The following NFATC2 variants were observed in gnomAD, a reference collection of about 807,000 sequenced individuals.
NFATC2 encodes nuclear factor of activated T cells 2.
Under a neutral mutation model 87.3 loss-of-function variants are expected in NFATC2, and 22 were observed. The observed-to-expected ratio is 0.25, with a 90% CI of 0.18 to 0.36. The LOEUF (loss-of-function observed/expected upper bound fraction) is 0.36, where lower values mean the gene tolerates loss of function less well. Ranked by LOEUF, NFATC2 falls within the 10% of genes least tolerant of loss-of-function variation. NFATC2 has a pLI of 1.00. For missense variants in NFATC2, 1,149 were observed against 1,259.1 expected (o/e 0.91, Z 1.32); for synonymous variants, 565 against 542.2 (o/e 1.04, Z -0.58).
intron 3 of NFATC2, among the ~76,000 whole-genome samples, chr20:51,484,238 G>A (rs1248457339): frequency 6.6e-6 from 1 of 151,942 alleles, no homozygotes; most frequent in Non-Finnish European, 1.5e-5. Context: ...TCCATGACCT[G>A]CAGGGCTCAC....
At chr20:51,457,308 T>G (rs924780320) in intron 5 of NFATC2, among the ~76,000 whole-genome samples, 2 of 152,146 alleles carry the variant, frequency 1.3e-5, no homozygotes, top group Admixed American at 6.5e-5. Context: ...TCCCACCCAT[T>G]TTACAGGTGG....
At chr20:51,461,958 C>G (rs569119542) in intron 5 of NFATC2, among the ~76,000 whole-genome samples, 3 of 149,560 alleles carry the variant, frequency 2.0e-5, no homozygotes, top group African/African-American at 7.4e-5. Flanking sequence ...TCCACTAAAA[C>G]TACAAAAAAA....
Position 51,540,647 on chromosome 20 carries a change from G to GTTTTTT in NFATC2, c.130+1717_130+1722dup, listed in dbSNP as rs375172598. 3.1e-3 allele frequency among the ~76,000 whole-genome samples: 351 copies of GTTTTTT among 112,886 alleles called. 70 individuals are homozygous for GTTTTTT. Among genetic ancestry groups the GTTTTTT allele is most frequent in the African/African-American group, 0.012 (280 of 22,840 alleles). The allele number at this position is 112,886 out of a possible 152,430, so 74.1% of individuals were successfully genotyped here. On this transcript the variant is annotated intron_variant, in intron 1 of 10. Transcript: ENST00000371564. ...ATCTGAAACTGTTCCAAAAACTGAA[G>GTTTTTT]TTTTTTTTTTGTTTTTTTTTTTTTG...
intron 9 of NFATC2, among the ~76,000 whole-genome samples, chr20:51,427,605 A>G (rs576307311): frequency 6.6e-6 from 1 of 152,176 alleles, no homozygotes; most frequent in South Asian, 2.1e-4. Context: ...ATCTTCTCAA[A>G]CAGTAAATCA....
At chr20:51,465,753 T>C (rs1012258126) in intron 5 of NFATC2, among the ~76,000 whole-genome samples, 6 of 152,026 alleles carry the variant, frequency 3.9e-5, no homozygotes, top group African/African-American at 1.2e-4. Context: ...CCCGTGGTCC[T>C]TGTTATTTTC....
chr20:51,453,600 C>T (rs971594815), intron 6 of NFATC2, among the ~76,000 whole-genome samples: 2 of 152,226 alleles, frequency 1.3e-5, no homozygotes, highest in African/African-American at 2.4e-5. Flanking sequence ...TATTTTCCTA[C>T]TTCAGATCAG....
rs147254946 is a variant in NFATC2, at chr20:51,453,244, G to A, written c.1849+1304C>T. The stretch of plus-strand genomic sequence containing the variant: ...CAGAAGGATGATTTGTGCGAGACTG[G>A]AAGAAGCACTCTTTGCCTAAGACAG... On this transcript the variant is annotated intron_variant, in intron 6 of 10. Transcript: ENST00000371564. 1.9e-3 allele frequency among the ~76,000 whole-genome samples: 292 copies of A among 152,342 alleles called. 2 individuals are homozygous for A. The highest frequency in any genetic ancestry group is 6.8e-3 in the Middle Eastern group (2 of 294).
intron 3 of NFATC2, among the ~76,000 whole-genome samples, chr20:51,495,820 T>G (rs922992703): frequency 1.3e-5 from 2 of 152,176 alleles, no homozygotes; most frequent in Non-Finnish European, 2.9e-5. Context: ...TGAAGGGGAC[T>G]CTAACTCACA....
At chr20:51,415,832 T>G (rs1025341838) in intron 9 of NFATC2, among the ~76,000 whole-genome samples, 4 of 152,162 alleles carry the variant, frequency 2.6e-5, no homozygotes, top group Non-Finnish European at 5.9e-5. Context: ...CCTTTCCCTT[T>G]CTTTCTTGCC....
At chr20:51,394,387 C>G (rs112917360) in intron 10 of NFATC2, among the ~76,000 whole-genome samples, 1 of 21,888 alleles carries the variant, frequency 4.6e-5, no homozygotes, top group Non-Finnish European at 8.1e-5. Flanking sequence ...GTCTGTCCCC[C>G]CTCAGCACTG....
At chr20:51,494,902 G>A (rs555385078) in intron 3 of NFATC2, among the ~76,000 whole-genome samples, 1 of 152,190 alleles carries the variant, frequency 6.6e-6, no homozygotes, top group East Asian at 1.9e-4. Context: ...TGTCCTGAAC[G>A]TGACTGCCAG....
rs1439667258 is a variant in NFATC2 at position 51,521,570 on chromosome 20, CT to C, written c.1160+1510del. 5.9e-5 allele frequency among the ~76,000 whole-genome samples: 9 copies of C among 152,350 alleles called. No individual in the cohort carries two copies. In the South Asian group the frequency reaches 1.9e-3, roughly 32 times the overall value. On this transcript the variant is annotated intron_variant, in intron 2 of 10. Coordinates refer to ENST00000371564, the MANE Select transcript of NFATC2 (RefSeq NM_012340.5). Reference sequence around the variant, plus strand: ...TTGCTACCTCAGGTGATTCGCCCACCTCGGCCTCCCAAAGTGCTGGGATTAC... The same window carrying C: ...TTGCTACCTCAGGTGATTCGCCCACCCGGCCTCCCAAAGTGCTGGGATTAC...
chr20:51,409,700 C>T (rs933799969), intron 9 of NFATC2, among the ~76,000 whole-genome samples: 1 of 152,168 alleles, frequency 6.6e-6, no homozygotes, highest in Non-Finnish European at 1.5e-5. Context: ...CAGGAAATAC[C>T]GAGGACAGAG....
intron 6 of NFATC2, among the ~76,000 whole-genome samples, chr20:51,450,240 C>T (rs1198416182): frequency 2.6e-5 from 4 of 152,234 alleles, no homozygotes; most frequent in Non-Finnish European, 5.9e-5. Context: ...GCCATCCGAC[C>T]TCAGAGCTGT....
At position 51,393,385 on chromosome 20, in the gene NFATC2, C is replaced by T. The variant is rs956015696; in HGVS notation, c.*45-1934G>A. The stretch of plus-strand genomic sequence containing the variant: ...AAGATCACAGTGCCCAGCGTTCAGC[C>T]AGTATTGGTTTGTAGACCAGTATAT... On this transcript the variant is annotated intron_variant, in intron 10 of 10. Coordinates refer to ENST00000371564, the MANE Select transcript of NFATC2 (RefSeq NM_012340.5). Among the ~76,000 whole-genome samples, 7 of 152,138 alleles carry T rather than the reference C, an allele frequency of 4.6e-5. No individual in the cohort carries two copies. The East Asian group carries it at 5.8e-4, about 13-fold the overall frequency.
intron 1 of NFATC2, among the ~76,000 whole-genome samples, chr20:51,541,670 G>C (rs916716982): frequency 2.0e-5 from 3 of 152,208 alleles, no homozygotes; most frequent in African/African-American, 7.2e-5. Context: ...AAGCGTAGAA[G>C]ATCACTTAAT....
intron 4 of NFATC2, among the ~76,000 whole-genome samples, chr20:51,474,588 C>A (rs75610397): frequency 0.022 from 3,276 of 152,254 alleles, 118 homozygotes; most frequent in African/African-American, 0.074. Flanking sequence ...AAATACCTCT[C>A]AAACAGTTCA....
At position 51,412,448 on chromosome 20, in the gene NFATC2, G is replaced by T. The variant is rs561590778; in HGVS notation, c.2723-13718C>A. ...CTGCCCCCTTCTCCACACGGGCCAG[G>T]GGGTGGGCAGGAGCAGGGAGTTCCA... On this transcript the variant is annotated intron_variant, in intron 9 of 10. Transcript: ENST00000371564. Among the ~76,000 whole-genome samples the T allele has an allele frequency of 1.3e-3, 198 of 152,324 alleles. 1 individual carries two copies. The highest frequency in any genetic ancestry group is 3.8e-3 in the African/African-American group (160 of 41,568).
Position 51,516,987 on chromosome 20 carries a change from C to T in NFATC2, c.1161-32G>A, listed in dbSNP as rs147529707. 11,209 of 1,580,348 alleles carry T rather than the reference C, an allele frequency of 7.1e-3. 50 individuals carry two copies. Among genetic ancestry groups the T allele is most frequent in the Admixed American group, 8.2e-3 (455 of 55,594 alleles). ...GAGAAAATAAAATCAGCCATGTGTG[C>T]AATAAACCAAAATTAGTCAACTTGT... On this transcript the variant is annotated intron_variant, in intron 2 of 10. Transcript: ENST00000371564.
Sources: allele counts gnomAD v4.1 joint callset (sites outside exome capture counted in the v4.1 genomes callset), GRCh38; gene constraint gnomAD v4.1.1; transcripts MANE v1.5; gene names NCBI Gene and HGNC (gene_info 2026-07-23, HGNC 2026-07-21).